CCDC102B: variants seen among roughly 807,000 people sequenced by gnomAD.
CCDC102B encodes the protein coiled-coil domain containing 102B.
CCDC102B carries 75 observed loss-of-function variants against 57.4 expected under a neutral mutation model. The observed-to-expected ratio is 1.31, with a 90% CI of 1.08 to 1.58. The LOEUF (loss-of-function observed/expected upper bound fraction) is 1.58, where lower values mean the gene tolerates loss of function less well. CCDC102B is among the 40% of genes most tolerant of loss of function. CCDC102B has a pLI of 0.00. For synonymous variants in CCDC102B, 206 were observed against 201.9 expected (o/e 1.02, Z -0.17); for missense variants, 636 against 582.6 (o/e 1.09, Z -0.94).
rs149769441 is a variant in CCDC102B, at chr18:69,040,061, G to A, written c.1435-13969G>A. ...AAATCCTAGATCTTTTATGAGGCAG[G>A]GGAAAGGCTTATAAGGTACCCTTAT... On this transcript the variant is annotated intron_variant, in intron 7 of 7. Transcript: ENST00000360242. Among the ~76,000 whole-genome samples the A allele has an allele frequency of 6.2e-3, 943 of 151,832 alleles. 12 individuals carry two copies. Among genetic ancestry groups the A allele is most frequent in the African/African-American group, 0.022 (901 of 41,470 alleles).
intron 5 of CCDC102B, among the ~76,000 whole-genome samples, chr18:68,879,439 T>C (rs2144950002): frequency 6.6e-6 from 1 of 152,280 alleles, no homozygotes; most frequent in East Asian, 1.9e-4. Flanking sequence ...CCACCCACAT[T>C]CTGCTGATTG....
chr18:69,016,143 G>A (rs551099716), intron 7 of CCDC102B, among the ~76,000 whole-genome samples: 117 of 151,670 alleles, frequency 7.7e-4, no homozygotes, highest in African/African-American at 2.8e-3. Flanking sequence ...GATTACAGGC[G>A]TGAGCCACCG....
At chr18:68,933,067 C>A (rs1881096426) in intron 6 of CCDC102B, among the ~76,000 whole-genome samples, 1 of 150,428 alleles carries the variant, frequency 6.6e-6, no homozygotes, top group Non-Finnish European at 1.5e-5. Context: ...GCTCTAAACA[C>A]TTAAATAGTG....
chr18:68,759,817 A>G (rs1194494045), intron 2 of CCDC102B, among the ~76,000 whole-genome samples: 3 of 152,080 alleles, frequency 2.0e-5, no homozygotes, highest in African/African-American at 7.2e-5. Context: ...CATCCCTGCT[A>G]TAGGGGACCA....
At chr18:69,025,770 G>A (rs572097262) in intron 7 of CCDC102B, among the ~76,000 whole-genome samples, 2 of 152,314 alleles carry the variant, frequency 1.3e-5, no homozygotes, top group Admixed American at 6.5e-5. Context: ...TTGAATGTCA[G>A]ACTTTTATAT....
chr18:68,884,426 A>T (rs1218308144), intron 5 of CCDC102B, among the ~76,000 whole-genome samples: 1 of 152,118 alleles, frequency 6.6e-6, no homozygotes, highest in South Asian at 2.1e-4. Context: ...AAAGAAAAAT[A>T]TTGCATATTC....
intron 6 of CCDC102B, among the ~76,000 whole-genome samples, chr18:68,987,072 C>T (rs2050743074): frequency 6.6e-6 from 1 of 152,074 alleles, no homozygotes; most frequent in Non-Finnish European, 1.5e-5. Flanking sequence ...AACGTCTATT[C>T]TTAAATTCAT....
At chr18:68,727,530 A>G (rs201977183) in intron 2 of CCDC102B, among the ~76,000 whole-genome samples, 6 of 152,370 alleles carry the variant, frequency 3.9e-5, no homozygotes, top group South Asian at 2.1e-4. Flanking sequence ...GCAGTCTGCT[A>G]TGATATGCAG....
intron 7 of CCDC102B, among the ~76,000 whole-genome samples, chr18:69,030,094 C>A (rs2052098874): frequency 6.6e-6 from 1 of 151,930 alleles, no homozygotes; most frequent in East Asian, 1.9e-4. Flanking sequence ...TATTAGGTAC[C>A]TCACACTTCT....
chr18:69,006,177 A>G (rs1218599215), intron 6 of CCDC102B, among the ~76,000 whole-genome samples: 8 of 152,144 alleles, frequency 5.3e-5, no homozygotes, highest in African/African-American at 1.9e-4. Flanking sequence ...GCTTTCCAAT[A>G]GTACATCTAT....
intron 6 of CCDC102B, among the ~76,000 whole-genome samples, chr18:68,982,266 A>G (rs17080020): frequency 0.068 from 10,277 of 152,022 alleles, 613 homozygotes; most frequent in African/African-American, 0.15. Context: ...ATAATGCATG[A>G]ATGTTTTAAT....
chr18:68,874,563 G>C (rs926402089), intron 4 of CCDC102B, 106 bp from the exon 5 acceptor site: 6 of 662,090 alleles, frequency 9.1e-6, no homozygotes, highest in Admixed American at 2.2e-5. Flanking sequence ...AATCCACATA[G>C]GAAAAAGGCA....
intron 7 of CCDC102B, among the ~76,000 whole-genome samples, chr18:69,051,235 TTA>T (rs145478040): frequency 0.05 from 7,519 of 151,208 alleles, 626 homozygotes; most frequent in African/African-American, 0.17. Flanking sequence ...AAAATACATT[TTA>T]TTTTTTTGGA....
chr18:69,021,070 A>C (rs2051820181), intron 7 of CCDC102B, among the ~76,000 whole-genome samples: 1 of 152,218 alleles, frequency 6.6e-6, no homozygotes. Flanking sequence ...TCACATTTTA[A>C]TGTCTTTTGG....
intron 1 of CCDC102B, among the ~76,000 whole-genome samples, chr18:68,818,004 A>G (rs955132664): frequency 6.6e-6 from 1 of 152,196 alleles, no homozygotes; most frequent in Non-Finnish European, 1.5e-5. Flanking sequence ...TTTTCATTAT[A>G]TATGTTATAT....
chr18:68,859,980 C>A (rs2038658107), intron 4 of CCDC102B, among the ~76,000 whole-genome samples: 1 of 82,544 alleles, frequency 1.2e-5, no homozygotes, highest in African/African-American at 3.5e-5. Context: ...ATAAATCATG[C>A]TGCTATAAAG....
chr18:68,880,512 G>A (rs1244934325), intron 5 of CCDC102B, among the ~76,000 whole-genome samples: 4 of 152,238 alleles, frequency 2.6e-5, no homozygotes, highest in East Asian at 1.9e-4. Flanking sequence ...AGGAGGCGCC[G>A]AGAGCCAGCG....
At chr18:69,034,653 T>G (rs1202633018) in intron 7 of CCDC102B, among the ~76,000 whole-genome samples, 1 of 151,710 alleles carries the variant, frequency 6.6e-6, no homozygotes, top group Non-Finnish European at 1.5e-5. Context: ...CAAATGTGAG[T>G]TATCCAAATT....
intron 7 of CCDC102B, among the ~76,000 whole-genome samples, chr18:69,042,946 A>G (rs2052468205): frequency 6.6e-6 from 1 of 152,050 alleles, no homozygotes; most frequent in Non-Finnish European, 1.5e-5. Context: ...CAAAGTATAG[A>G]GAAAGAAATA....
Sources: gnomAD v4.1 joint callset for allele counts (sites outside exome capture counted in the v4.1 genomes callset) on GRCh38, gnomAD v4.1.1 for gene constraint, MANE v1.5 for transcripts, NCBI Gene and HGNC (gene_info 2026-07-23, HGNC 2026-07-21) for gene names.